The following ATP13A4 variants were observed in gnomAD, a reference collection of about 807,000 sequenced individuals.
The protein encoded by ATP13A4 is probable cation-transporting ATPase 13A4.
A neutral mutation model predicts 142.5 loss-of-function variants in ATP13A4; 114 were observed. The observed-to-expected ratio is 0.80, with a 90% CI of 0.69 to 0.93. ATP13A4 has a LOEUF of 0.93. Among genes scored for constraint, ATP13A4 ranks in the 40% least tolerant of loss-of-function variants. The pLI, the probability that ATP13A4 is intolerant of heterozygous loss-of-function variation, is 0.00. For synonymous variants in ATP13A4, 488 were observed against 514.8 expected, an observed-to-expected ratio of 0.95 and a Z score of 0.70; for missense variants, 1,392 against 1,454.0, an observed-to-expected ratio of 0.96 and a Z score of 0.69.
At chr3:193,569,865 C>A (rs542897661) in intron 2 of ATP13A4, among the ~76,000 whole-genome samples, 32 of 151,710 alleles carry the variant, frequency 2.1e-4, no homozygotes, top group African/African-American at 7.5e-4. Context: ...GATAAATAAA[C>A]CATATTAATG....
intron 2 of ATP13A4, among the ~76,000 whole-genome samples, chr3:193,579,963 C>T (rs1724498249): frequency 6.6e-6 from 1 of 152,176 alleles, no homozygotes; most frequent in South Asian, 2.1e-4. Flanking sequence ...CATTGAACCT[C>T]AAATCTACCA....
rs1388757199 is a variant in ATP13A4, at chr3:193,418,118, T to C, written c.2843-3368A>G. On this transcript the variant is annotated intron_variant, in intron 25 of 29. Transcript: ENST00000342695. ...GCCTGGGCGACAGAGCGAGACTCCGTCTCAAAAAAAAAAAAAAAAAAAAAA... is the reference window on the plus strand; with the variant it reads ...GCCTGGGCGACAGAGCGAGACTCCGCCTCAAAAAAAAAAAAAAAAAAAAAA... Among the ~76,000 whole-genome samples the C allele has an allele frequency of 4.7e-3, 217 of 46,660 alleles. 4 individuals carry two copies. The highest frequency in any genetic ancestry group is 0.016 in the Admixed American group (32 of 2,024). The allele number at this position is 46,660 out of a possible 152,430, so 30.6% of individuals were successfully genotyped here.
intron 8 of ATP13A4, among the ~76,000 whole-genome samples, chr3:193,475,158 C>T (rs1718894505): frequency 6.6e-6 from 1 of 151,968 alleles, no homozygotes; most frequent in South Asian, 2.1e-4. Context: ...AGAATCTGTG[C>T]CGAAGATATA....
intron 1 of ATP13A4, among the ~76,000 whole-genome samples, chr3:193,517,177 A>C (rs1025633284): frequency 2.0e-5 from 3 of 152,182 alleles, no homozygotes. Flanking sequence ...TTATTCTTTT[A>C]TTTCAGTTCA....
At chr3:193,455,332 C>T (rs1717540717) in intron 16 of ATP13A4, among the ~76,000 whole-genome samples, 1 of 117,462 alleles carries the variant, frequency 8.5e-6, no homozygotes, top group Non-Finnish European at 1.7e-5. Flanking sequence ...CAGAGCGAGA[C>T]TCCGTCTCAA....
intron 25 of ATP13A4, among the ~76,000 whole-genome samples, chr3:193,427,931 T>C (rs1255065473): frequency 1.3e-5 from 2 of 152,052 alleles, no homozygotes; most frequent in East Asian, 1.9e-4. Flanking sequence ...AAAGCCAAAA[T>C]TAACAAATGG....
intron 2 of ATP13A4, among the ~76,000 whole-genome samples, chr3:193,504,106 TATTA>T (rs1720722783): frequency 6.6e-6 from 1 of 152,004 alleles, no homozygotes; most frequent in Non-Finnish European, 1.5e-5. Context: ...GAAATTGGAA[TATTA>T]ATTAATTAAT....
At chr3:193,477,926 C>A (rs575949128) in intron 8 of ATP13A4, among the ~76,000 whole-genome samples, 24 of 152,030 alleles carry the variant, frequency 1.6e-4, no homozygotes, top group Admixed American at 3.9e-4. Flanking sequence ...TTTAAAATAT[C>A]ATTTACAATA....
chr3:193,434,829 A>G (rs1716172440), intron 24 of ATP13A4, among the ~76,000 whole-genome samples: 1 of 152,280 alleles, frequency 6.6e-6, no homozygotes, highest in African/African-American at 2.4e-5. Flanking sequence ...CACAAGACCT[A>G]TGTATTTTTG....
intron 25 of ATP13A4, among the ~76,000 whole-genome samples, chr3:193,426,061 GAAGA>G (rs1167403657): frequency 6.6e-6 from 1 of 151,674 alleles, no homozygotes; most frequent in Non-Finnish European, 1.5e-5. Flanking sequence ...CATCCAATTG[GAAGA>G]AAGAAGTAAA....
At chr3:193,408,030 G>A (rs1440067745) in intron 28 of ATP13A4, among the ~76,000 whole-genome samples, 1 of 152,232 alleles carries the variant, frequency 6.6e-6, no homozygotes, top group African/African-American at 2.4e-5. Flanking sequence ...CATTTTCTCT[G>A]TGTCTTCCCC....
rs767143576 is a variant in ATP13A4 at position 193,407,303 on chromosome 3, G to A, written c.3378+10C>T. ...ACACAAGATCAGCAGCCCAAGATCA[G>A]CACACTTACCTCGGCCACAAGGGAC... On this transcript the variant is annotated intron_variant, in intron 29 of 29. Coordinates refer to ENST00000342695, the MANE Select transcript of ATP13A4 (RefSeq NM_032279.4). 6.2e-7 allele frequency: 1 copy of A among 1,604,870 alleles called. No homozygotes were observed. Among genetic ancestry groups the A allele is most frequent in the East Asian group, 2.2e-5 (1 of 44,750 alleles).
Position 193,470,978 on chromosome 3 carries a change from A to G in ATP13A4, c.824T>C (p.Leu275Pro), listed in dbSNP as rs756739308. The G allele has an allele frequency of 6.2e-7, 1 of 1,614,206 alleles. No homozygotes were observed. The highest frequency in any genetic ancestry group is 2.2e-5 in the East Asian group (1 of 44,880). The change falls in exon 9 of 30, where the codon CTG becomes CCG. Residue 275 changes from leucine (L) to proline (P), a missense_variant. Coordinates refer to ENST00000342695, the MANE Select transcript of ATP13A4 (RefSeq NM_032279.4). ...TCCAGGCACCAGGACGCGTGATTCC[A>G]GCTCTTGAACTCCAGCTGAAAGTGG... ...VCGRKAGVQE[L>P]ESRVLVPGDL...
chr3:193,506,076 G>A (rs563460697), intron 2 of ATP13A4, among the ~76,000 whole-genome samples: 81 of 152,296 alleles, frequency 5.3e-4, no homozygotes, highest in African/African-American at 1.8e-3. Context: ...TTGTTTCTGA[G>A]TTCTTTCTGT....
At chr3:193,508,690 G>T (rs1720982285) in intron 2 of ATP13A4, among the ~76,000 whole-genome samples, 1 of 152,186 alleles carries the variant, frequency 6.6e-6, no homozygotes. Flanking sequence ...GAAAGACCAG[G>T]TTGAAATGGG....
Position 193,442,390 on chromosome 3 carries a change from T to C in ATP13A4, c.2316+3A>G, listed in dbSNP as rs1197154560. 1 of 1,613,350 alleles carries C rather than the reference T, an allele frequency of 6.2e-7. No individual in the cohort carries two copies. On this transcript the variant is annotated splice_donor_region_variant and intron_variant, in intron 19 of 29. Transcript: ENST00000342695. ...GTGGCAGAAGGTCTGTGTTCAGGAG[T>C]ACCTGATTCCCATACATAATGTGTT... is the stretch of plus-strand genomic sequence containing the variant.
At chr3:193,463,984 A>G (rs1718113630) in intron 12 of ATP13A4, among the ~76,000 whole-genome samples, 1 of 152,250 alleles carries the variant, frequency 6.6e-6, no homozygotes, top group Non-Finnish European at 1.5e-5. Context: ...CTCAAAATGA[A>G]TAGTAGTGAT....
chr3:193,514,772 G>A lies in ATP13A4; in HGVS notation c.160C>T (p.Pro54Ser). 1 of 1,614,206 alleles carries A rather than the reference G, an allele frequency of 6.2e-7. No homozygotes were observed. Among genetic ancestry groups the A allele is most frequent in the East Asian group, 2.2e-5 (1 of 44,880 alleles). Residue 54 changes from proline (P) to serine (S), a missense_variant, in exon 2 of 30, where the codon CCA becomes TCA. Transcript: ENST00000342695. The stretch of plus-strand genomic sequence containing the variant: ...CAATGTGCCCATACGTGCCATGCTG[G>A]TCTCCAGTAAAACACCAAGGGGAGG... ...GILPLVFYWRPAWHVWAHCVP... is the reference protein window; with the variant it reads ...GILPLVFYWRSAWHVWAHCVP...
At chr3:193,454,954 A>C (rs1292560743) in intron 16 of ATP13A4, among the ~76,000 whole-genome samples, 1 of 152,188 alleles carries the variant, frequency 6.6e-6, no homozygotes, top group African/African-American at 2.4e-5. Flanking sequence ...AATTTTTGCA[A>C]ACTATGCATC....
Sources: allele counts gnomAD v4.1 joint callset (sites outside exome capture counted in the v4.1 genomes callset), GRCh38; gene constraint gnomAD v4.1.1; transcripts MANE v1.5; gene names NCBI Gene and HGNC (gene_info 2026-07-23, HGNC 2026-07-21).